Variants in DENND4C observed in about 807,000 individuals in gnomAD.
DENND4C encodes the protein DENN domain-containing protein 4C.
DENND4C carries 108 observed loss-of-function variants against 203.0 expected under a neutral mutation model. That is an observed-to-expected ratio of 0.53 (90% CI 0.46 to 0.62). The LOEUF (loss-of-function observed/expected upper bound fraction) is 0.62, where lower values mean the gene tolerates loss of function less well. Among genes scored for constraint, DENND4C ranks in the 20% least tolerant of loss-of-function variants. The pLI, the probability that DENND4C is intolerant of heterozygous loss-of-function variation, is 0.00. For missense variants in DENND4C, 2,481 were observed against 2,301.2 expected (o/e 1.08, Z -1.60); for synonymous variants, 871 against 792.4 (o/e 1.10, Z -1.67).
At chr9:19,355,390 A>G (rs1825173689) in intron 26 of DENND4C, among the ~76,000 whole-genome samples, 2 of 152,110 alleles carry the variant, frequency 1.3e-5, no homozygotes, top group Admixed American at 1.3e-4. Context: ...TGAAATTTTT[A>G]TCCTTGAACG....
chr9:19,296,403 C>T (rs1211994592), intron 6 of DENND4C, among the ~76,000 whole-genome samples, 157 bp downstream of exon 6: 1 of 144,690 alleles, frequency 6.9e-6, no homozygotes, highest in African/African-American at 2.6e-5. Flanking sequence ...ATTGCTCTGT[C>T]ACCCAGGCTG....
At chr9:19,293,708 C>G (rs1836837727) in intron 5 of DENND4C, among the ~76,000 whole-genome samples, 1 of 152,154 alleles carries the variant, frequency 6.6e-6, no homozygotes, top group South Asian at 2.1e-4. Context: ...AGTCTATATG[C>G]CTGGTAGCTC....
intron 32 of DENND4C, 68 bp from the exon 33 acceptor site, chr9:19,371,969 C>T (rs1316921661): frequency 6.6e-7 from 1 of 1,507,822 alleles, no homozygotes; most frequent in Non-Finnish European, 9.0e-7. Flanking sequence ...GACTCAATAC[C>T]AATTTGAAAT....
chr9:19,334,398 A>AAT (rs1167131426), intron 17 of DENND4C, among the ~76,000 whole-genome samples: 4 of 152,292 alleles, frequency 2.6e-5, no homozygotes, highest in Admixed American at 2.6e-4. Flanking sequence ...TATGAGGAGT[A>AAT]ATAGTCTTTC....
At chr9:19,306,111 T>C (rs1839599588) in intron 10 of DENND4C, among the ~76,000 whole-genome samples, 1 of 152,152 alleles carries the variant, frequency 6.6e-6, no homozygotes, top group Admixed American at 6.5e-5. Flanking sequence ...GAAATAGTTC[T>C]GGATGGATGT....
intron 1 of DENND4C, among the ~76,000 whole-genome samples, chr9:19,234,103 G>C (rs979875738): frequency 1.3e-5 from 2 of 152,008 alleles, no homozygotes; most frequent in African/African-American, 4.8e-5. Flanking sequence ...TGCTTTCCCT[G>C]TTGCTGTATA....
intron 12 of DENND4C, among the ~76,000 whole-genome samples, chr9:19,318,564 A>G (rs1039100475): frequency 8.5e-5 from 13 of 152,212 alleles, no homozygotes; most frequent in African/African-American, 2.4e-4. Flanking sequence ...CTGCCATAAC[A>G]AAGTACCACA....
chr9:19,323,713 CTT>C (rs1843269113), intron 12 of DENND4C, among the ~76,000 whole-genome samples: 1 of 152,164 alleles, frequency 6.6e-6, no homozygotes. Flanking sequence ...GACATTGACT[CTT>C]TGGAAATTGA....
intron 1 of DENND4C, 88 bp downstream of exon 1, chr9:19,230,921 C>G (rs939102214): frequency 2.0e-5 from 3 of 152,390 alleles, no homozygotes; most frequent in East Asian, 1.9e-4. Flanking sequence ...GGGCGCGGGA[C>G]AGGTAGAGCC....
intron 2 of DENND4C, among the ~76,000 whole-genome samples, chr9:19,280,064 A>G (rs1218006537): frequency 6.6e-6 from 1 of 152,182 alleles, no homozygotes; most frequent in Non-Finnish European, 1.5e-5. Flanking sequence ...TGTTAACAGC[A>G]TAGGTGACTG....
In DENND4C at chr9:19,350,935, T is replaced by A; in HGVS notation, c.4495+56T>A. The A allele has an allele frequency of 2.6e-6, 4 of 1,515,272 alleles. No homozygotes were observed. The South Asian group carries it at 5.3e-5, about 20-fold the overall frequency. The allele number at this position is 1,515,272 out of a possible 1,614,324, so 93.9% of individuals were successfully genotyped here. A position where few individuals can be genotyped will look rare whatever the true frequency, so the allele number is the denominator to read the frequency against. On this transcript the variant is annotated intron_variant, in intron 24 of 32. Coordinates refer to ENST00000434457, the MANE Select transcript of DENND4C (RefSeq NM_001330640.2). ...GCTTTATAATAGTTTTTGCTTTTTT[T>A]TTTTAATTTAAGAGACGGGGTTTTG... is the stretch of plus-strand genomic sequence containing the variant.
At chr9:19,280,524 A>G (rs1233846385) in intron 2 of DENND4C, among the ~76,000 whole-genome samples, 1 of 152,012 alleles carries the variant, frequency 6.6e-6, no homozygotes, top group African/African-American at 2.4e-5. Context: ...GTGGAGTGAC[A>G]TTAATGGTTT....
At position 19,352,512 on chromosome 9, in the gene DENND4C, A is replaced by G. The variant is rs765332146; in HGVS notation, c.4628A>G (p.Gln1543Arg). The stretch of plus-strand genomic sequence containing the variant: ...TAGGTTTTGATGTCCAGTTGTTCAC[A>G]GTGTAGAGCTTGTGGAGCTTTAGTT... Reference protein sequence around the residue: ...AMEVLMSSCSQCRACGALVYD... With the variant: ...AMEVLMSSCSRCRACGALVYD... Residue 1543 changes from glutamine to arginine, a missense_variant, in exon 26 of 33, where the codon CAG becomes CGG. Gln to Arg is a conservative substitution (Grantham distance 43). Coordinates refer to ENST00000434457, the MANE Select transcript of DENND4C (RefSeq NM_001330640.2). The G allele has an allele frequency of 6.3e-7, 1 of 1,596,954 alleles. No individual in the cohort carries two copies. Among genetic ancestry groups the G allele is most frequent in the Admixed American group, 1.7e-5 (1 of 57,278 alleles).
Position 19,345,936 on chromosome 9 carries a change from T to C in DENND4C, c.3167T>C (p.Val1056Ala), listed in dbSNP as rs1380430828. ...RKSSTGSISN[V>A]LFSTQDPVED... ...TCCCTTTTAGGTAGTATATCAAATGTGCTGTTTTCTACTCAAGATCCAGTT... is the reference window on the plus strand; with the variant it reads ...TCCCTTTTAGGTAGTATATCAAATGCGCTGTTTTCTACTCAAGATCCAGTT... Residue 1056 changes from valine to alanine, a missense_variant, in exon 23 of 33, where the codon GTG becomes GCG. Val to Ala is a moderately conservative substitution (Grantham distance 64). This residue lies in a region of DENND4C where 2,289 missense variants were observed against 2,113.3 expected (regional missense o/e 1.08). Coordinates refer to ENST00000434457, the MANE Select transcript of DENND4C (RefSeq NM_001330640.2). 1.2e-6 allele frequency: 2 copies of C among 1,611,486 alleles called. No homozygotes were observed. Among genetic ancestry groups the C allele is most frequent in the Non-Finnish European group, 1.7e-6 (2 of 1,178,890 alleles).
chr9:19,355,229 A>G (rs138947183), intron 26 of DENND4C, among the ~76,000 whole-genome samples: 25 of 152,092 alleles, frequency 1.6e-4, no homozygotes, highest in Admixed American at 4.6e-4. Context: ...CTATTTTTCT[A>G]TTGATCTTTC....
chr9:19,309,959 G>T (rs1233443181), intron 10 of DENND4C, among the ~76,000 whole-genome samples: 1 of 152,068 alleles, frequency 6.6e-6, no homozygotes. Flanking sequence ...GGTCTTTTCA[G>T]AATTTTTTGG....
intron 12 of DENND4C, among the ~76,000 whole-genome samples, chr9:19,319,449 CAT>C (rs1171255809): frequency 4.3e-5 from 6 of 140,714 alleles, no homozygotes; most frequent in Non-Finnish European, 7.6e-5. Flanking sequence ...TATATATATA[CAT>C]ATATATATAT....
intron 1 of DENND4C, among the ~76,000 whole-genome samples, chr9:19,240,968 ACAGAACAGAATGGAACG>A (rs1488190214): frequency 1.3e-5 from 2 of 152,180 alleles, no homozygotes; most frequent in African/African-American, 4.8e-5. Flanking sequence ...ACAACAGAAC[ACAGAACAGAATGGAACG>A]CAGAACAGAA....
chr9:19,267,029 T>C (rs906248882), intron 1 of DENND4C, among the ~76,000 whole-genome samples: 3 of 152,218 alleles, frequency 2.0e-5, no homozygotes, highest in African/African-American at 7.2e-5. Flanking sequence ...TGTGGCCTAA[T>C]AGATGCTCTG....
Sources: gnomAD v4.1 joint callset for allele counts (sites outside exome capture counted in the v4.1 genomes callset) on GRCh38, gnomAD v4.1.1 for gene constraint, gnomAD v4.1.1 regional missense constraint, MANE v1.5 for transcripts, NCBI Gene and HGNC (gene_info 2026-07-23, HGNC 2026-07-21) for gene names.